The following PCYT1A variants were observed in gnomAD, a reference collection of about 807,000 sequenced individuals.
PCYT1A encodes the protein choline-phosphate cytidylyltransferase A.
PCYT1A carries 25 observed loss-of-function variants against 43.7 expected under a neutral mutation model. The observed-to-expected ratio is 0.57, with a 90% confidence interval of 0.42 to 0.80. The LOEUF (loss-of-function observed/expected upper bound fraction) is 0.80, where lower values mean the gene tolerates loss of function less well. Among genes scored for constraint, PCYT1A ranks in the 30% least tolerant of loss-of-function variants. PCYT1A has a pLI of 0.00. For synonymous variants in PCYT1A, 172 were observed against 170.7 expected, an observed-to-expected ratio of 1.01 and a Z score of -0.06; for missense variants, 421 against 474.2, an observed-to-expected ratio of 0.89 and a Z score of 1.04.
At chr3:196,241,822 A>AT (rs757033839) in intron 7 of PCYT1A, 126 bp downstream of exon 7, 1 of 1,241,938 alleles carries the variant, frequency 8.1e-7, no homozygotes, top group African/African-American at 1.5e-5. Flanking sequence ...CATAGTGGTA[A>AT]TTCATTCACT....
chr3:196,275,589 T>TGG (rs753487021), intron 1 of PCYT1A, among the ~76,000 whole-genome samples: 6 of 151,802 alleles, frequency 4.0e-5, no homozygotes, highest in Non-Finnish European at 7.4e-5. Flanking sequence ...AAAAAATAGC[T>TGG]GGGTGTGGTG....
chr3:196,234,911 G>C lies in PCYT1A; in HGVS notation c.*3777C>G, dbSNP rs1439637590. ...ATCATTGTTATGACTTTGAAAAATA[G>C]AACCTTTAAAAATACTTATATTGGT... On this transcript the variant is annotated 3_prime_UTR_variant, in exon 9 of 9. Transcript: ENST00000431016. 1 of 152,106 alleles carries C rather than the reference G, an allele frequency of 6.6e-6. No individual in the cohort carries two copies. Among genetic ancestry groups the C allele is most frequent in the African/African-American group, 2.4e-5 (1 of 41,422 alleles). The allele number at this position is 152,106 out of a possible 1,614,324, so 9.4% of individuals were successfully genotyped here.
At chr3:196,241,451 G>A (rs1386772845) in intron 7 of PCYT1A, 2 of 1,212,996 alleles carry the variant, frequency 1.6e-6, no homozygotes, top group South Asian at 1.3e-5. Context: ...GCCTCCCAAA[G>A]TACAGGCATG....
Position 196,242,896 on chromosome 3 carries a change from C to T in PCYT1A, c.487-256G>A, listed in dbSNP as rs553845829. The T allele has an allele frequency of 8.0e-6, 4 of 501,046 alleles. No individual in the cohort carries two copies. Among genetic ancestry groups the T allele is most frequent in the East Asian group, 3.6e-5 (1 of 27,458 alleles). The allele number at this position is 501,046 out of a possible 1,614,324, so 31.0% of individuals were successfully genotyped here. ...TAGTCTGCTAGAACTGTTACCCTCA[C>T]TCTGTATACCAGTCATCTTGCTGTG... is the stretch of plus-strand genomic sequence containing the variant. On this transcript the variant is annotated intron_variant, in intron 5 of 8. Transcript: ENST00000431016. The surrounding 1 kb of genome is among the most constrained non-coding windows in gnomAD (Gnocchi z 4.2).
chr3:196,285,755 CT>C (rs1725893588), intron 1 of PCYT1A, among the ~76,000 whole-genome samples: 1 of 152,144 alleles, frequency 6.6e-6, no homozygotes, highest in African/African-American at 2.4e-5. Flanking sequence ...TTTTGTCCCC[CT>C]TTCTTTCTCA....
intron 5 of PCYT1A, among the ~76,000 whole-genome samples, chr3:196,246,129 A>G (rs944916831): frequency 8.5e-5 from 13 of 152,136 alleles, no homozygotes. Context: ...CTAGGTGTTG[A>G]TGTAGAAAAG....
intron 3 of PCYT1A, among the ~76,000 whole-genome samples, chr3:196,257,126 A>G (rs767106831): frequency 3.3e-5 from 5 of 152,246 alleles, no homozygotes; most frequent in African/African-American, 1.2e-4. Context: ...CTTTGTATTC[A>G]TAACAAATGC....
At chr3:196,243,884 C>A (rs1382059701) in intron 5 of PCYT1A, among the ~76,000 whole-genome samples, 2 of 152,256 alleles carry the variant, frequency 1.3e-5, no homozygotes, top group Non-Finnish European at 2.9e-5. Flanking sequence ...CGGCTCGCTA[C>A]AACCTCCACC....
At chr3:196,261,214 G>C (rs1725099489) in intron 2 of PCYT1A, among the ~76,000 whole-genome samples, 1 of 152,192 alleles carries the variant, frequency 6.6e-6, no homozygotes, top group African/African-American at 2.4e-5. Context: ...AATGAATACA[G>C]GGGGTTTCTT....
intron 1 of PCYT1A, among the ~76,000 whole-genome samples, chr3:196,278,980 CAAAAAAA>C (rs148985648): frequency 3.9e-5 from 2 of 51,624 alleles, no homozygotes; most frequent in African/African-American, 8.0e-5. Flanking sequence ...GACCTCATCT[CAAAAAAA>C]AAAAAAAAAA....
chr3:196,269,684 G>T (rs1300056292), intron 2 of PCYT1A, among the ~76,000 whole-genome samples: 1 of 151,994 alleles, frequency 6.6e-6, no homozygotes, highest in African/African-American at 2.4e-5. Context: ...AGAGATAAAG[G>T]AGCATAAGGT....
intron 5 of PCYT1A, among the ~76,000 whole-genome samples, chr3:196,245,066 G>A (rs534330351): frequency 8.5e-4 from 127 of 150,086 alleles, no homozygotes; most frequent in African/African-American, 2.7e-3. Flanking sequence ...CCCTCTGCGA[G>A]AAACACCCAA....
At chr3:196,241,925 T>C in intron 7 of PCYT1A, 23 bp downstream of exon 7, 1 of 1,613,986 alleles carries the variant, frequency 6.2e-7, no homozygotes, top group Non-Finnish European at 8.5e-7. Context: ...GTCAGGGAAC[T>C]CTGGGGTAAG....
chr3:196,244,178 C>T (rs545272378), intron 5 of PCYT1A, among the ~76,000 whole-genome samples: 25 of 143,392 alleles, frequency 1.7e-4, no homozygotes, highest in African/African-American at 4.7e-4. Flanking sequence ...TGTCTCTGCC[C>T]GACCGCCACC....
intron 1 of PCYT1A, among the ~76,000 whole-genome samples, chr3:196,271,215 C>A (rs1398845023): frequency 6.6e-6 from 1 of 151,684 alleles, no homozygotes; most frequent in African/African-American, 2.4e-5. Flanking sequence ...AGACAGGCCT[C>A]GCTATGTTGC....
At chr3:196,285,733 C>A (rs140917518) in intron 1 of PCYT1A, among the ~76,000 whole-genome samples, 2 of 152,230 alleles carry the variant, frequency 1.3e-5, no homozygotes, top group East Asian at 3.9e-4. Flanking sequence ...ATTGACACTG[C>A]GAGTGTCATC....
At chr3:196,263,405 A>T (rs907089632) in intron 2 of PCYT1A, among the ~76,000 whole-genome samples, 16 of 151,884 alleles carry the variant, frequency 1.1e-4, no homozygotes, top group African/African-American at 3.4e-4. Flanking sequence ...TTTTGTAGGG[A>T]CAGTGTCTCT....
chr3:196,236,113 A>G lies in PCYT1A; in HGVS notation c.*2575T>C, dbSNP rs1724155473. 1 of 152,236 alleles carries G rather than the reference A, an allele frequency of 6.6e-6. No individual in the cohort carries two copies. The highest frequency in any genetic ancestry group is 1.5e-5 in the Non-Finnish European group (1 of 68,050). The allele number at this position is 152,236 out of a possible 1,614,324, so 9.4% of individuals were successfully genotyped here. A position where few individuals can be genotyped will look rare whatever the true frequency, so the allele number is the denominator to read the frequency against. Reference sequence around the variant, plus strand: ...CTGTCAGCCTGCAGGTCCCGTTCCAAGCACAGGGCATGCCAAGAGCAGCCC... The same window carrying G: ...CTGTCAGCCTGCAGGTCCCGTTCCAGGCACAGGGCATGCCAAGAGCAGCCC... On this transcript the variant is annotated 3_prime_UTR_variant, in exon 9 of 9. Coordinates refer to ENST00000431016, the MANE Select transcript of PCYT1A (RefSeq NM_001312673.2).
intron 1 of PCYT1A, chr3:196,287,292 C>T (rs1382775181): frequency 6.6e-6 from 1 of 152,492 alleles, no homozygotes; most frequent in African/African-American, 2.4e-5. Context: ...TCCGGATCCC[C>T]CACAGTCACT....
Sources: allele counts gnomAD v4.1 joint callset (sites outside exome capture counted in the v4.1 genomes callset), GRCh38; gene constraint gnomAD v4.1.1; non-coding constraint Gnocchi (gnomAD v3.1); transcripts MANE v1.5; gene names NCBI Gene and HGNC (gene_info 2026-07-23, HGNC 2026-07-21).